CDYL: variants seen among roughly 807,000 people sequenced by gnomAD.
The protein encoded by CDYL is chromodomain Y-like protein.
In CDYL, 8 loss-of-function variants were observed where a neutral mutation model predicts 47.3. The ratio of observed to expected loss-of-function variants is 0.17; its 90% CI spans 0.10 to 0.31. The LOEUF (loss-of-function observed/expected upper bound fraction) is 0.31. Among genes scored for constraint, CDYL ranks in the 10% least tolerant of loss-of-function variants. The pLI, the probability that CDYL is intolerant of heterozygous loss-of-function variation, is 1.00. For missense variants in CDYL, 471 were observed against 701.4 expected, an observed-to-expected ratio of 0.67 and a Z score of 3.71; for synonymous variants, 266 against 265.0, an observed-to-expected ratio of 1.00 and a Z score of -0.04.
At chr6:4,911,237 C>T (rs1428238072) in intron 2 of CDYL, among the ~76,000 whole-genome samples, 1 of 152,120 alleles carries the variant, frequency 6.6e-6, no homozygotes, top group Non-Finnish European at 1.5e-5. Flanking sequence ...ATATTAAAGC[C>T]AGGGTTATGG....
At chr6:4,859,655 T>C (rs769571724) in intron 1 of CDYL, among the ~76,000 whole-genome samples, 21 of 152,196 alleles carry the variant, frequency 1.4e-4, no homozygotes, top group Admixed American at 4.6e-4. Context: ...TTTTAGGGAC[T>C]CTGCCTTACT....
At chr6:4,828,895 CCT>C (rs1178934921) in intron 1 of CDYL, among the ~76,000 whole-genome samples, 3 of 152,156 alleles carry the variant, frequency 2.0e-5, no homozygotes, top group Non-Finnish European at 4.4e-5. Flanking sequence ...ACTTTCTGAG[CCT>C]CTCTAGTGAA....
chr6:4,715,903 A>ATGATT lies in CDYL; in HGVS notation c.103+23_103+24insGATTT, dbSNP rs777973354. ...AACGGTAAGAACTTGCAGGAATCAA[A>ATGATT]TTAGTTCTGATGCAGTAGGCAGAAT... On this transcript the variant is annotated intron_variant, in intron 2 of 8. Coordinates refer to the CDYL transcript ENST00000328908. 21 of 1,609,220 alleles carry ATGATT rather than the reference A, an allele frequency of 1.3e-5. No individual in the cohort carries two copies. The South Asian group carries it at 2.2e-4, about 17-fold the overall frequency.
intron 4 of CDYL, among the ~76,000 whole-genome samples, chr6:4,940,321 A>G (rs1476644684): frequency 6.6e-6 from 1 of 152,244 alleles, no homozygotes; most frequent in Admixed American, 6.5e-5. Context: ...CAGAAAAATA[A>G]TTAGTTACAC....
intron 4 of CDYL, among the ~76,000 whole-genome samples, chr6:4,939,294 T>C (rs921613154): frequency 1.3e-5 from 2 of 151,944 alleles, no homozygotes; most frequent in Non-Finnish European, 1.5e-5. Flanking sequence ...GGGGGCTCTT[T>C]TTTCTGTTTT....
Position 4,949,172 on chromosome 6 carries a change from T to G in CDYL, c.1333-3094T>G, listed in dbSNP as rs150427309. Among the ~76,000 whole-genome samples, 349 of 152,358 alleles carry G rather than the reference T, an allele frequency of 2.3e-3. 1 individual carries two copies. Among genetic ancestry groups the G allele is most frequent in the African/African-American group, 7.6e-3 (315 of 41,578 alleles). On this transcript the variant is annotated intron_variant, in intron 5 of 6. Coordinates refer to ENST00000397588, the MANE Select transcript of CDYL (RefSeq NM_004824.4). The stretch of plus-strand genomic sequence containing the variant: ...CCAGTTTAGCCTTCCTGGTGCCCAG[T>G]AGACATTCATGGAGTGCATGGAGGA...
intron 1 of CDYL, among the ~76,000 whole-genome samples, chr6:4,875,224 C>T (rs1327956410): frequency 6.6e-6 from 1 of 152,078 alleles, no homozygotes; most frequent in African/African-American, 2.4e-5. Context: ...TGTAGTAAGA[C>T]TTGAATTTCG....
intron 2 of CDYL, among the ~76,000 whole-genome samples, chr6:4,916,451 G>T (rs550752740): frequency 1.3e-5 from 2 of 152,344 alleles, no homozygotes; most frequent in African/African-American, 4.8e-5. Flanking sequence ...ACTCTCGACT[G>T]AAGAGAACTA....
intron 2 of CDYL, among the ~76,000 whole-genome samples, chr6:4,734,474 G>A (rs1283579912): frequency 6.6e-6 from 1 of 152,174 alleles, no homozygotes; most frequent in African/African-American, 2.4e-5. Context: ...GCATTCACTT[G>A]GCCCACAGCA....
intron 1 of CDYL, among the ~76,000 whole-genome samples, chr6:4,852,889 C>G (rs1760894241): frequency 6.6e-6 from 1 of 151,644 alleles, no homozygotes; most frequent in African/African-American, 2.4e-5. Flanking sequence ...GCCTCGAGCT[C>G]CTGGGTGCAG....
At chr6:4,778,743 G>T (rs1561846331) in intron 1 of CDYL, among the ~76,000 whole-genome samples, 1 of 152,208 alleles carries the variant, frequency 6.6e-6, no homozygotes. Flanking sequence ...TAAATATGTA[G>T]TGGTCAGTAT....
At position 4,791,727 on chromosome 6, in the gene CDYL, A is replaced by G. The variant is rs375248299; in HGVS notation, c.24+14920A>G. Among the ~76,000 whole-genome samples, 7 of 152,168 alleles carry G rather than the reference A, an allele frequency of 4.6e-5. 2 individuals are homozygous for G. The highest frequency in any genetic ancestry group is 1.7e-4 in the African/African-American group (7 of 41,522). ...CAAAGAAAGAAAAAAAAAAAGTCCCATGCCCTACCACCCTGGTCTAACTAC... is the reference window on the plus strand; with the variant it reads ...CAAAGAAAGAAAAAAAAAAAGTCCCGTGCCCTACCACCCTGGTCTAACTAC... On this transcript the variant is annotated intron_variant, in intron 1 of 6. Coordinates refer to ENST00000397588, the MANE Select transcript of CDYL (RefSeq NM_004824.4).
intron 3 of CDYL, among the ~76,000 whole-genome samples, chr6:4,749,384 T>C (rs1757952240): frequency 6.6e-6 from 1 of 150,926 alleles, no homozygotes; most frequent in African/African-American, 2.4e-5. Context: ...GGATATGTGA[T>C]GGATAGATGG....
Position 4,767,752 on chromosome 6 carries a change from C to A in CDYL, c.186+32908C>A, listed in dbSNP as rs181176950. 8.7e-4 allele frequency among the ~76,000 whole-genome samples: 133 copies of A among 152,320 alleles called. 1 individual carries two copies. The South Asian group carries it at 0.011, about 12-fold the overall frequency. ...ATCAAGACCTGGTATCCACTTTACT[C>A]AATGTCATATTGGAGGTCCTAAGTG... is the stretch of plus-strand genomic sequence containing the variant. On this transcript the variant is annotated intron_variant, in intron 3 of 8. Coordinates refer to the CDYL transcript ENST00000328908.
intron 1 of CDYL, among the ~76,000 whole-genome samples, chr6:4,864,520 C>CT (rs1400255123): frequency 6.6e-6 from 1 of 152,108 alleles, no homozygotes; most frequent in Non-Finnish European, 1.5e-5. Context: ...TATGGTTTGG[C>CT]TGTGTCCCCA....
At chr6:4,764,378 C>T (rs1561840812) in intron 3 of CDYL, among the ~76,000 whole-genome samples, 1 of 152,136 alleles carries the variant, frequency 6.6e-6, no homozygotes, top group Non-Finnish European at 1.5e-5. Context: ...CAGCCTCTGC[C>T]TTCCAGGTTC....
At chr6:4,842,761 A>T (rs935772402) in intron 1 of CDYL, among the ~76,000 whole-genome samples, 1 of 152,066 alleles carries the variant, frequency 6.6e-6, no homozygotes, top group Non-Finnish European at 1.5e-5. Context: ...TACTATTGAG[A>T]TGCTAGGTAT....
At chr6:4,723,457 TAC>T (rs1757411991) in intron 2 of CDYL, among the ~76,000 whole-genome samples, 2 of 152,066 alleles carry the variant, frequency 1.3e-5, no homozygotes, top group African/African-American at 4.8e-5. Context: ...AGAGGCTATT[TAC>T]AGAGGTGTGG....
At chr6:4,947,340 C>G (rs1008789233) in intron 5 of CDYL, among the ~76,000 whole-genome samples, 3 of 152,174 alleles carry the variant, frequency 2.0e-5, no homozygotes, top group African/African-American at 7.2e-5. Context: ...CACCCAGAAG[C>G]GCCTATACCA....
Sources: gnomAD v4.1 joint callset for allele counts (sites outside exome capture counted in the v4.1 genomes callset) on GRCh38, gnomAD v4.1.1 for gene constraint, MANE v1.5 for transcripts, NCBI Gene and HGNC (gene_info 2026-07-23, HGNC 2026-07-21) for gene names.